NAV2: variants seen among roughly 807,000 people sequenced by gnomAD.
NAV2 encodes neuron navigator 2, also known as helicase, APC down-regulated 1.
NAV2 carries 54 observed loss-of-function variants against 223.2 expected under a neutral mutation model. That is an observed-to-expected ratio of 0.24 (90% CI 0.19 to 0.30). The LOEUF is 0.30. NAV2 is among the 10% of genes least tolerant of loss of function. The pLI is 1.00. For synonymous variants in NAV2, 1,279 were observed against 1,239.3 expected, an observed-to-expected ratio of 1.03 and a Z score of -0.67; for missense variants, 2,806 against 3,147.5, an observed-to-expected ratio of 0.89 and a Z score of 2.60.
upstream of NAV2, chr11:19,350,723 C>G (rs1444889634): frequency 3.6e-6 from 2 of 552,784 alleles, no homozygotes; most frequent in Non-Finnish European, 6.5e-6. Flanking sequence ...CAAGACTTAG[C>G]TCTCATGATG....
At chr11:19,754,990 C>T (rs2054122923) in intron 1 of NAV2, among the ~76,000 whole-genome samples, 2 of 152,142 alleles carry the variant, frequency 1.3e-5, no homozygotes, top group Non-Finnish European at 2.9e-5. Flanking sequence ...CTCTTGCCAC[C>T]GTCACCCACA....
intron 10 of NAV2, among the ~76,000 whole-genome samples, chr11:19,958,512 G>A (rs2048076357): frequency 6.6e-6 from 1 of 152,150 alleles, no homozygotes; most frequent in African/African-American, 2.4e-5. Context: ...GTGGGCTGTG[G>A]AGTTTGACCT....
chr11:19,831,288 A>G lies in NAV2; in HGVS notation c.268-1196A>G, dbSNP rs142200891. Among the ~76,000 whole-genome samples, 574 of 145,698 alleles carry G rather than the reference A, an allele frequency of 3.9e-3. 4 individuals carry two copies. The highest frequency in any genetic ancestry group is 0.015 in the African/African-American group (552 of 37,942). On this transcript the variant is annotated intron_variant, in intron 1 of 37. Coordinates refer to ENST00000349880, the MANE Select transcript of NAV2 (RefSeq NM_145117.5). ...CCATTGTGTGGGATTACACTGGGAA[A>G]GGCATTTGGAAGAACAGGATGGAGG...
At chr11:19,621,085 C>A (rs1353981293) in intron 1 of NAV2, among the ~76,000 whole-genome samples, 1 of 152,180 alleles carries the variant, frequency 6.6e-6, no homozygotes, top group Non-Finnish European at 1.5e-5. Flanking sequence ...GTATATGGAA[C>A]CAGCCTTGCA....
chr11:19,747,487 C>T lies in NAV2; in HGVS notation c.267+33525C>T, dbSNP rs562776863. ...GCAGATATAGGAGTCAAATTCATTA[C>T]ACATTGTCAACACTGACTATGCCAT... On this transcript the variant is annotated intron_variant, in intron 1 of 37. Coordinates refer to ENST00000349880, the MANE Select transcript of NAV2 (RefSeq NM_145117.5). 8.5e-5 allele frequency among the ~76,000 whole-genome samples: 13 copies of T among 152,242 alleles called. No individual in the cohort carries two copies. The South Asian group carries it at 2.7e-3, about 32-fold the overall frequency.
chr11:19,853,847 G>C (rs2061273937), intron 3 of NAV2, among the ~76,000 whole-genome samples: 2 of 151,502 alleles, frequency 1.3e-5, no homozygotes, highest in Non-Finnish European at 2.9e-5. Flanking sequence ...TAACTTCTTT[G>C]AGGACAGTAG....
chr11:20,077,680 A>G, intron 23 of NAV2, 45 bp downstream of exon 23: 1 of 1,421,434 alleles, frequency 7.0e-7, no homozygotes. Flanking sequence ...TGGAGTTAAC[A>G]ACAAACTTGA....
chr11:19,540,583 G>A (rs1178162984), intron 1 of NAV2, among the ~76,000 whole-genome samples: 3 of 152,032 alleles, frequency 2.0e-5, no homozygotes, highest in Non-Finnish European at 4.4e-5. Context: ...CCCCTGCAGG[G>A]GCTATTAGCT....
chr11:19,937,658 C>T (rs1195013815), intron 7 of NAV2, among the ~76,000 whole-genome samples: 2 of 152,310 alleles, frequency 1.3e-5, no homozygotes, highest in East Asian at 1.9e-4. Context: ...GATCTTAGAC[C>T]TGGAGCTAGT....
chr11:19,631,867 G>A (rs1375099537), intron 1 of NAV2, among the ~76,000 whole-genome samples: 1 of 152,224 alleles, frequency 6.6e-6, no homozygotes, highest in Admixed American at 6.5e-5. Flanking sequence ...CATCTAATTA[G>A]CCATCGTCTT....
At chr11:19,395,810 AG>A (rs1422536814) in intron 1 of NAV2, among the ~76,000 whole-genome samples, 1 of 152,110 alleles carries the variant, frequency 6.6e-6, no homozygotes, top group Non-Finnish European at 1.5e-5. Flanking sequence ...TTACATGCTG[AG>A]CCCCTTTACT....
intron 3 of NAV2, among the ~76,000 whole-genome samples, chr11:19,861,006 C>T (rs916779533): frequency 2.3e-5 from 3 of 130,618 alleles, no homozygotes; most frequent in Non-Finnish European, 4.6e-5. Flanking sequence ...GGCTCGGCAT[C>T]AGAGGGAGAC....
chr11:19,388,236 C>T (rs1849118156), intron 1 of NAV2, among the ~76,000 whole-genome samples: 1 of 152,206 alleles, frequency 6.6e-6, no homozygotes, highest in Admixed American at 6.5e-5. Context: ...ATACAGTGCA[C>T]ATTGGAGTTC....
intron 1 of NAV2, among the ~76,000 whole-genome samples, chr11:19,494,676 C>CG (rs1564985029): frequency 6.6e-6 from 1 of 152,156 alleles, no homozygotes; most frequent in Non-Finnish European, 1.5e-5. Context: ...GACCCCACCC[C>CG]GGGTTTCCTG....
chr11:19,450,227 A>G (rs541967237), intron 1 of NAV2, among the ~76,000 whole-genome samples: 2 of 152,278 alleles, frequency 1.3e-5, no homozygotes, highest in East Asian at 1.9e-4. Context: ...GAGTGGCTCA[A>G]CACCTAATTT....
At chr11:19,664,805 T>C (rs1590057460) in intron 1 of NAV2, among the ~76,000 whole-genome samples, 1 of 152,200 alleles carries the variant, frequency 6.6e-6, no homozygotes, top group East Asian at 1.9e-4. Context: ...GGAGAGGAAA[T>C]GGAAGAACAT....
chr11:19,591,976 A>G (rs113743076), intron 1 of NAV2, among the ~76,000 whole-genome samples: 336 of 152,246 alleles, frequency 2.2e-3, no homozygotes, highest in African/African-American at 7.8e-3. Context: ...AGCTAAGGAG[A>G]CAAGCCCCAT....
At chr11:19,778,670 T>G (rs1186832176) in intron 1 of NAV2, among the ~76,000 whole-genome samples, 2 of 152,244 alleles carry the variant, frequency 1.3e-5, no homozygotes, top group African/African-American at 4.8e-5. Context: ...TCTTGTGTTA[T>G]GTTTGGCCTG....
chr11:19,452,250 C>T (rs1240213929), intron 1 of NAV2, among the ~76,000 whole-genome samples: 1 of 152,030 alleles, frequency 6.6e-6, no homozygotes, highest in Non-Finnish European at 1.5e-5. Flanking sequence ...TAAGAGATTG[C>T]TTTTAAAAAA....
Sources: gnomAD v4.1 joint callset for allele counts (sites outside exome capture counted in the v4.1 genomes callset) on GRCh38, gnomAD v4.1.1 for gene constraint, MANE v1.5 for transcripts, NCBI Gene and HGNC (gene_info 2026-07-23, HGNC 2026-07-21) for gene names.